Variants in DCDC1 observed in about 807,000 individuals in gnomAD.
DCDC1 encodes the protein doublecortin domain containing 1.
Under a neutral mutation model 178.3 loss-of-function variants are expected in DCDC1, and 200 were observed. The ratio of observed to expected loss-of-function variants is 1.12; its 90% confidence interval spans 1.00 to 1.26. The LOEUF (loss-of-function observed/expected upper bound fraction) is 1.26, where lower values mean the gene tolerates loss of function less well. DCDC1 is among the 50% of genes most tolerant of loss of function. The pLI, the probability that DCDC1 is intolerant of heterozygous loss-of-function variation, is 0.00. For missense variants in DCDC1, 1,983 were observed against 1,749.2 expected (o/e 1.13, Z -2.38); for synonymous variants, 690 against 604.8 (o/e 1.14, Z -2.07).
chr11:31,305,444 T>A (rs1383837195), intron 6 of DCDC1, among the ~76,000 whole-genome samples, 171 bp downstream of exon 6: 3 of 152,190 alleles, frequency 2.0e-5, no homozygotes, highest in African/African-American at 4.8e-5. Context: ...AACGTGGCTG[T>A]CAGTGGATTT....
chr11:30,886,525 C>T (rs115342925), intron 36 of DCDC1, among the ~76,000 whole-genome samples: 192 of 152,068 alleles, frequency 1.3e-3, no homozygotes, highest in African/African-American at 4.3e-3. Context: ...CATTTTCTAA[C>T]TTGTAGACAG....
At chr11:31,190,147 T>C (rs1321268290) in intron 9 of DCDC1, among the ~76,000 whole-genome samples, 5 of 152,312 alleles carry the variant, frequency 3.3e-5, no homozygotes, top group South Asian at 4.1e-4. Context: ...TAGCACATAC[T>C]TTACCTCACG....
chr11:31,089,229 C>T (rs1250540566), intron 17 of DCDC1, among the ~76,000 whole-genome samples: 1 of 152,110 alleles, frequency 6.6e-6, no homozygotes, highest in Non-Finnish European at 1.5e-5. Context: ...TCCTCCCCAC[C>T]TCCTCTTTTA....
At chr11:31,079,010 T>A (rs2135566784) in intron 17 of DCDC1, among the ~76,000 whole-genome samples, 1 of 152,238 alleles carries the variant, frequency 6.6e-6, no homozygotes, top group Non-Finnish European at 1.5e-5. Flanking sequence ...CTGTGCTGGG[T>A]TCTGGGCACA....
intron 20 of DCDC1, among the ~76,000 whole-genome samples, chr11:31,060,608 G>T (rs553315523): frequency 6.6e-6 from 1 of 152,186 alleles, no homozygotes; most frequent in East Asian, 1.9e-4. Flanking sequence ...ATCAATTTTA[G>T]TCCAAATATT....
chr11:31,022,343 T>A (rs529621911), intron 20 of DCDC1, among the ~76,000 whole-genome samples: 1 of 152,264 alleles, frequency 6.6e-6, no homozygotes, highest in African/African-American at 2.4e-5. Flanking sequence ...CCTTTGTGTG[T>A]ATCTAGCTGT....
At chr11:31,354,780 T>C (rs1037292159) in intron 1 of DCDC1, among the ~76,000 whole-genome samples, 6 of 152,200 alleles carry the variant, frequency 3.9e-5, no homozygotes, top group Non-Finnish European at 8.8e-5. Flanking sequence ...GCATCTCTCT[T>C]TTAAGGATCT....
chr11:30,999,622 G>T (rs958984161), intron 20 of DCDC1, among the ~76,000 whole-genome samples: 2 of 152,016 alleles, frequency 1.3e-5, no homozygotes, highest in East Asian at 3.9e-4. Flanking sequence ...CAAAAAGCAT[G>T]ATCCCCAGGA....
chr11:31,274,851 C>A (rs1945863956), intron 7 of DCDC1, among the ~76,000 whole-genome samples: 1 of 152,046 alleles, frequency 6.6e-6, no homozygotes, highest in African/African-American at 2.4e-5. Flanking sequence ...AAGGCACATG[C>A]CACCATGCTA....
At chr11:31,162,793 G>A (rs914267881) in intron 9 of DCDC1, among the ~76,000 whole-genome samples, 2 of 152,072 alleles carry the variant, frequency 1.3e-5, no homozygotes, top group Non-Finnish European at 2.9e-5. Context: ...CATATCATTA[G>A]CACTATAAAA....
At chr11:31,215,717 C>T (rs766879105) in intron 9 of DCDC1, among the ~76,000 whole-genome samples, 1 of 150,698 alleles carries the variant, frequency 6.6e-6, no homozygotes. Flanking sequence ...CATTTGAACC[C>T]GGGAGGCAGA....
intron 20 of DCDC1, among the ~76,000 whole-genome samples, chr11:31,053,928 C>T (rs1955425011): frequency 6.6e-6 from 1 of 152,152 alleles, no homozygotes; most frequent in South Asian, 2.1e-4. Context: ...AGGATGCCCA[C>T]TCTCACCACT....
chr11:31,174,889 G>A (rs902144094), intron 9 of DCDC1, among the ~76,000 whole-genome samples: 20 of 152,158 alleles, frequency 1.3e-4, no homozygotes, highest in African/African-American at 2.4e-4. Context: ...GCTCCTCTTC[G>A]TCTTGCTCAC....
chr11:31,127,814 T>C, intron 10 of DCDC1, 175 bp from the exon 11 acceptor site: 1 of 499,012 alleles, frequency 2.0e-6, no homozygotes, highest in South Asian at 3.4e-5. Context: ...ACATCTACTT[T>C]TATTTATGAA....
chr11:31,059,316 C>T (rs1056523307), intron 20 of DCDC1, among the ~76,000 whole-genome samples: 9 of 151,946 alleles, frequency 5.9e-5, no homozygotes, highest in Admixed American at 1.3e-4. Flanking sequence ...TTAAAATATA[C>T]CGAAACCTAA....
chr11:31,240,236 C>A (rs1396153381), intron 9 of DCDC1, among the ~76,000 whole-genome samples: 1 of 151,692 alleles, frequency 6.6e-6, no homozygotes, highest in Non-Finnish European at 1.5e-5. Context: ...AATCTAAATG[C>A]AATAAAATAT....
chr11:31,012,465 G>C (rs1053881202), intron 20 of DCDC1, among the ~76,000 whole-genome samples: 3 of 151,880 alleles, frequency 2.0e-5, no homozygotes, highest in Non-Finnish European at 2.9e-5. Context: ...AATTACCCAG[G>C]CATGGTGGTA....
intron 10 of DCDC1, among the ~76,000 whole-genome samples, chr11:31,129,172 T>G (rs959120524): frequency 1.2e-4 from 11 of 94,352 alleles, no homozygotes; most frequent in Non-Finnish European, 2.2e-4. Flanking sequence ...TCATATGACC[T>G]AAATGTATTA....
In DCDC1 at chr11:30,888,617, T is replaced by C. The variant is rs509508; in HGVS notation, c.5082+4201A>G. 3.4e-3 allele frequency among the ~76,000 whole-genome samples: 512 copies of C among 152,154 alleles called. 2 individuals carry two copies. The highest frequency in any genetic ancestry group is 0.012 in the African/African-American group (499 of 41,504). On this transcript the variant is annotated intron_variant, in intron 36 of 38. Transcript: ENST00000684477. ...CTGTAATCCCAGCTACTCAGAAGGCTGAGGCAGGAGAATCGCTTGAACCCA... is the reference window on the plus strand; with the variant it reads ...CTGTAATCCCAGCTACTCAGAAGGCCGAGGCAGGAGAATCGCTTGAACCCA...
Sources: gnomAD v4.1 joint callset for allele counts (sites outside exome capture counted in the v4.1 genomes callset) on GRCh38, gnomAD v4.1.1 for gene constraint, MANE v1.5 for transcripts, NCBI Gene and HGNC (gene_info 2026-07-23, HGNC 2026-07-21) for gene names.